The following ANKS1B variants were observed in gnomAD, a reference collection of about 807,000 sequenced individuals.
ANKS1B encodes the protein ankyrin repeat and sterile alpha motif domain-containing protein 1B.
Under a neutral mutation model 148.3 loss-of-function variants are expected in ANKS1B, and 36 were observed. That is an observed-to-expected ratio of 0.24 (90% CI 0.19 to 0.32). The LOEUF (loss-of-function observed/expected upper bound fraction) is 0.32. Ranked by LOEUF, ANKS1B falls within the 10% of genes least tolerant of loss-of-function variation. The pLI is 1.00. For missense variants in ANKS1B, 1,157 were observed against 1,542.6 expected (o/e 0.75, Z 4.19); for synonymous variants, 542 against 560.8 (o/e 0.97, Z 0.47).
chr12:99,940,998 C>T (rs1401283930), intron 1 of ANKS1B, among the ~76,000 whole-genome samples: 2 of 152,146 alleles, frequency 1.3e-5, no homozygotes, highest in African/African-American at 2.4e-5. Flanking sequence ...TATTGAATGT[C>T]TCTCTTCCTC....
chr12:99,383,849 C>CAAAAAA (rs1160915276), intron 12 of ANKS1B, among the ~76,000 whole-genome samples: 2 of 77,756 alleles, frequency 2.6e-5, no homozygotes, highest in African/African-American at 4.5e-5. Flanking sequence ...CCCATCTCTA[C>CAAAAAA]AAAAAAAAAA....
chr12:99,442,379 A>G (rs576041058), intron 11 of ANKS1B, among the ~76,000 whole-genome samples: 1 of 151,946 alleles, frequency 6.6e-6, no homozygotes, highest in African/African-American at 2.4e-5. Flanking sequence ...TTGGGGCACT[A>G]TGTCAAATGT....
intron 15 of ANKS1B, among the ~76,000 whole-genome samples, chr12:99,143,430 G>A (rs1304057980): frequency 6.6e-6 from 1 of 152,074 alleles, no homozygotes. Context: ...ACACAGACTA[G>A]CCTAGGTTGT....
intron 12 of ANKS1B, among the ~76,000 whole-genome samples, chr12:99,277,574 G>A (rs1291874779): frequency 6.6e-6 from 1 of 152,212 alleles, no homozygotes; most frequent in African/African-American, 2.4e-5. Context: ...GCACTTGTGG[G>A]TTAGTAAAGA....
chr12:98,817,521 C>T (rs961523041), intron 19 of ANKS1B, among the ~76,000 whole-genome samples: 16 of 152,256 alleles, frequency 1.1e-4, no homozygotes, highest in African/African-American at 2.9e-4. Context: ...CATCTGATTA[C>T]TTCTTCCTGC....
At chr12:99,629,992 A>G (rs1441717146) in intron 9 of ANKS1B, among the ~76,000 whole-genome samples, 1 of 152,174 alleles carries the variant, frequency 6.6e-6, no homozygotes, top group Admixed American at 6.5e-5. Flanking sequence ...GCTAAATTCT[A>G]TTTTTTAAAA....
At chr12:99,747,980 G>A (rs982202412) in intron 8 of ANKS1B, among the ~76,000 whole-genome samples, 12 of 147,248 alleles carry the variant, frequency 8.1e-5, no homozygotes, top group African/African-American at 3.0e-4. Flanking sequence ...CTATATTGAA[G>A]CACTTTTGGC....
intron 15 of ANKS1B, among the ~76,000 whole-genome samples, chr12:99,090,362 C>T (rs1441735075): frequency 6.6e-6 from 1 of 151,874 alleles, no homozygotes; most frequent in African/African-American, 2.4e-5. Context: ...ATTTAAGGAC[C>T]ACAGGGAACT....
chr12:98,769,164 A>AGTTTTTTTTTTTTTTT (rs1593161161), intron 25 of ANKS1B, among the ~76,000 whole-genome samples: 1 of 29,464 alleles, frequency 3.4e-5, no homozygotes, highest in South Asian at 1.2e-3. Context: ...GGTCTTCTTT[A>AGTTTTTTTTTTTTTTT]CTTTTTTTTT....
chr12:99,053,396 G>T, intron 16 of ANKS1B, 87 bp from the exon 17 acceptor site: 3 of 1,065,478 alleles, frequency 2.8e-6, no homozygotes, highest in South Asian at 2.9e-5. Context: ...AAATTTATTT[G>T]ACATGAAGAA....
At chr12:99,182,003 A>G (rs1331602737) in intron 14 of ANKS1B, among the ~76,000 whole-genome samples, 1 of 151,962 alleles carries the variant, frequency 6.6e-6, no homozygotes, top group Non-Finnish European at 1.5e-5. Flanking sequence ...GTATTAGTCC[A>G]TTTTCACACT....
chr12:98,740,587 C>A (rs943649956), downstream of ANKS1B, among the ~76,000 whole-genome samples: 1 of 152,188 alleles, frequency 6.6e-6, no homozygotes, highest in South Asian at 2.1e-4. Context: ...AAGTGTCTCA[C>A]ATGTGTGTGC....
At chr12:99,470,953 T>C (rs1042485824) in intron 10 of ANKS1B, among the ~76,000 whole-genome samples, 3 of 152,118 alleles carry the variant, frequency 2.0e-5, no homozygotes, top group African/African-American at 4.8e-5. Flanking sequence ...TCAAGTTATA[T>C]GAATACTAAT....
At chr12:98,869,441 G>T (rs2099642001) in intron 17 of ANKS1B, among the ~76,000 whole-genome samples, 1 of 152,022 alleles carries the variant, frequency 6.6e-6, no homozygotes, top group Admixed American at 6.6e-5. Context: ...TGCCAACCTG[G>T]GTGACAAAGG....
intron 14 of ANKS1B, among the ~76,000 whole-genome samples, chr12:99,198,611 G>A (rs536459014): frequency 6.6e-6 from 1 of 152,222 alleles, no homozygotes; most frequent in South Asian, 2.1e-4. Flanking sequence ...TAAGAAATTG[G>A]TTGTAATCAA....
chr12:99,842,006 TATAAGAATTC>T (rs2085825583), intron 1 of ANKS1B, among the ~76,000 whole-genome samples: 1 of 152,162 alleles, frequency 6.6e-6, no homozygotes, highest in Non-Finnish European at 1.5e-5. Context: ...TGTTCTTAAC[TATAAGAATTC>T]AGTTACCTAT....
At chr12:99,515,569 C>A (rs554152132) in intron 9 of ANKS1B, among the ~76,000 whole-genome samples, 1 of 152,168 alleles carries the variant, frequency 6.6e-6, no homozygotes, top group South Asian at 2.1e-4. Context: ...TGTATCCATT[C>A]TTCTCTTGAT....
chr12:99,678,471 T>G (rs1280888328), intron 8 of ANKS1B, among the ~76,000 whole-genome samples: 1 of 152,146 alleles, frequency 6.6e-6, no homozygotes, highest in East Asian at 1.9e-4. Context: ...CTAGGCTAAC[T>G]TCTCCTACAT....
At chr12:99,039,963 G>A (rs774446253) in intron 17 of ANKS1B, among the ~76,000 whole-genome samples, 29 of 152,162 alleles carry the variant, frequency 1.9e-4, no homozygotes, top group African/African-American at 5.6e-4. Flanking sequence ...CTCAGGTGGC[G>A]TTTGTATTGT....
Sources: gnomAD v4.1 joint callset for allele counts (sites outside exome capture counted in the v4.1 genomes callset) on GRCh38, gnomAD v4.1.1 for gene constraint, MANE v1.5 for transcripts, NCBI Gene and HGNC (gene_info 2026-07-23, HGNC 2026-07-21) for gene names.